The following KCNC1 variants were observed in gnomAD, a reference collection of about 807,000 sequenced individuals.
KCNC1 encodes voltage-gated potassium channel KCNC1.
KCNC1 carries 8 observed loss-of-function variants against 43.4 expected under a neutral mutation model. The ratio of observed to expected loss-of-function variants is 0.18; its 90% CI spans 0.11 to 0.33. KCNC1 has a LOEUF of 0.33. Ranked by LOEUF, KCNC1 falls within the 10% of genes least tolerant of loss-of-function variation. The probability of loss-of-function intolerance (pLI) is 1.00; values close to 1 mark genes in which losing one functional copy is unlikely to be tolerated. For synonymous variants in KCNC1, 361 were observed against 360.5 expected, an observed-to-expected ratio of 1.00 and a Z score of -0.01; for missense variants, 420 against 836.0, an observed-to-expected ratio of 0.50 and a Z score of 6.14.
In KCNC1 at chr11:17,781,801, C is replaced by T; in HGVS notation, c.*67C>T. 2.7e-6 allele frequency: 3 copies of T among 1,099,612 alleles called. No individual in the cohort carries two copies. In the South Asian group the frequency reaches 4.1e-5, roughly 15 times the overall value. 68.1% of individuals were successfully genotyped at this position (1,099,612 alleles called of 1,614,324 possible). A position where few individuals can be genotyped will look rare whatever the true frequency, so the allele number is the denominator to read the frequency against. On this transcript the variant is annotated 3_prime_UTR_variant, in exon 4 of 4. Transcript: ENST00000265969. This position sits in a 1 kb window ranked among gnomAD's most constrained non-coding sequence, Gnocchi z 5.1. ...TGGGTGGACCTGCAGCCCCTCCTCA[C>T]CCTCGGACAGAGTAAATTCACGCCA...
rs1849255616 is a variant in KCNC1 at position 17,773,575 on chromosome 11, G to A, written c.1504+977G>A. 1 of 984,902 alleles carries A rather than the reference G, an allele frequency of 1.0e-6. No homozygotes were observed. The highest frequency in any genetic ancestry group is 1.2e-6 in the Non-Finnish European group (1 of 829,918). The allele number at this position is 984,902 out of a possible 1,614,324, so 61.0% of individuals were successfully genotyped here. A position where few individuals can be genotyped will look rare whatever the true frequency, so the allele number is the denominator to read the frequency against. ...ACTGGGGGCCGGGAGGGGGGAGGGG[G>A]GCATGAAACAATACTAGTCACCGTG... On this transcript the variant is annotated intron_variant, in intron 2 of 3. Coordinates refer to ENST00000265969, the MANE Select transcript of KCNC1 (RefSeq NM_001112741.2). The surrounding 1 kb of genome is among the most constrained non-coding windows in gnomAD (Gnocchi z 4.1).
At chr11:17,778,106 T>C (rs1849305379) in intron 2 of KCNC1, among the ~76,000 whole-genome samples, 1 of 152,192 alleles carries the variant, frequency 6.6e-6, no homozygotes, top group Non-Finnish European at 1.5e-5. Flanking sequence ...AGATGAAGTA[T>C]TGGAGTTGGC....
Position 17,742,411 on chromosome 11 carries a change from T to G in KCNC1, c.570+5839T>G, listed in dbSNP as rs757309925. 2.0e-5 allele frequency among the ~76,000 whole-genome samples: 3 copies of G among 152,178 alleles called. No homozygotes were observed. The highest frequency in any genetic ancestry group is 1.3e-4 in the Admixed American group (2 of 15,286). ...TCTCAAGGCCTCCACGACAGCTGAA[T>G]ATAATGCCTCTGGCTATTCTGAGCG... On this transcript the variant is annotated intron_variant, in intron 1 of 3. Coordinates refer to ENST00000265969, the MANE Select transcript of KCNC1 (RefSeq NM_001112741.2). The surrounding 1 kb of genome is among the most constrained non-coding windows in gnomAD (Gnocchi z 4.2).
At chr11:17,737,762 C>A (rs1848785691) in intron 1 of KCNC1, among the ~76,000 whole-genome samples, 1 of 152,130 alleles carries the variant, frequency 6.6e-6, no homozygotes, top group Non-Finnish European at 1.5e-5. Flanking sequence ...CTGCCCTCAC[C>A]CCCTACCAGG....
At chr11:17,761,196 TC>T (rs1239243487) in intron 1 of KCNC1, among the ~76,000 whole-genome samples, 6 of 152,226 alleles carry the variant, frequency 3.9e-5, no homozygotes, top group Admixed American at 3.3e-4. Flanking sequence ...CACTGGCGGT[TC>T]CCACCAGGCT....
intron 1 of KCNC1, among the ~76,000 whole-genome samples, chr11:17,769,027 C>T (rs1409876130): frequency 6.6e-6 from 1 of 152,260 alleles, no homozygotes; most frequent in Non-Finnish European, 1.5e-5. Flanking sequence ...CCTGGTCTAC[C>T]TCTGTTGTGC....
rs1424860516 is a variant in KCNC1 at position 17,782,881 on chromosome 11, G to C, written c.*1147G>C. The C allele has an allele frequency of 6.6e-6, 1 of 151,720 alleles. No homozygotes were observed. The highest frequency in any genetic ancestry group is 2.4e-5 in the African/African-American group (1 of 41,258). The allele number at this position is 151,720 out of a possible 1,614,324, so 9.4% of individuals were successfully genotyped here. On this transcript the variant is annotated 3_prime_UTR_variant, in exon 4 of 4. Transcript: ENST00000265969. ...GTCTGATTCTAAAATTAGTGGGGTG[G>C]GGGGGAAGGATGATATTTTTGAAAA...
At chr11:17,753,809 A>T (rs1447536390) in intron 1 of KCNC1, among the ~76,000 whole-genome samples, 1 of 152,116 alleles carries the variant, frequency 6.6e-6, no homozygotes, top group African/African-American at 2.4e-5. Context: ...TCTCCTCACC[A>T]TGTGTCCCAG....
chr11:17,776,639 TGGG>T lies in KCNC1; in HGVS notation c.1505-2814_1505-2812del, dbSNP rs1443443459. ...CATCACTGCAGGCCTGTGGGTCTAG[TGGG>T]GGCCTGGGGGCCCTGGGCTGGGGGA... On this transcript the variant is annotated intron_variant, in intron 2 of 3. Coordinates refer to ENST00000265969, the MANE Select transcript of KCNC1 (RefSeq NM_001112741.2). This position sits in a 1 kb window ranked among gnomAD's most constrained non-coding sequence, Gnocchi z 4.4. 1.3e-5 allele frequency: 13 copies of T among 985,010 alleles called. No individual in the cohort carries two copies. Among genetic ancestry groups the T allele is most frequent in the Admixed American group, 6.2e-5 (1 of 16,260 alleles). The allele number at this position is 985,010 out of a possible 1,614,324, so 61.0% of individuals were successfully genotyped here. A position where few individuals can be genotyped will look rare whatever the true frequency, so the allele number is the denominator to read the frequency against.
rs74636657 is a variant in KCNC1, at chr11:17,744,571, G to A, written c.570+7999G>A. Among the ~76,000 whole-genome samples, 1,332 of 152,298 alleles carry A rather than the reference G, an allele frequency of 8.7e-3. 29 individuals carry two copies. Among genetic ancestry groups the A allele is most frequent in the African/African-American group, 0.03 (1,234 of 41,562 alleles). On this transcript the variant is annotated intron_variant, in intron 1 of 3. Transcript: ENST00000265969. ...CTCAGGCCTATGGACAGCACCCATT[G>A]CCCGCTTCTCCAGGCCCTTCTCTTC...
chr11:17,772,859 A>G (rs1348802337), intron 2 of KCNC1: 1 of 1,321,086 alleles, frequency 7.6e-7, no homozygotes, highest in African/African-American at 1.5e-5. Flanking sequence ...TGAAGAGACA[A>G]CGCGGCCCGC....
rs1016647914 is a variant in KCNC1 at position 17,773,815 on chromosome 11, TAAG to T, written c.1504+1221_1504+1223del. ...CCCAGAGAAGAATGACAGCACTGAGTAAGAAGGAGTGCCAGGTGAGCAGGAGGT... is the reference window on the plus strand; with the variant it reads ...CCCAGAGAAGAATGACAGCACTGAGTAAGGAGTGCCAGGTGAGCAGGAGGT... On this transcript the variant is annotated intron_variant, in intron 2 of 3. Transcript: ENST00000265969. This position sits in a 1 kb window ranked among gnomAD's most constrained non-coding sequence, Gnocchi z 4.1. The T allele has an allele frequency of 3.0e-6, 3 of 985,228 alleles. No individual in the cohort carries two copies. Among genetic ancestry groups the T allele is most frequent in the African/African-American group, 3.5e-5 (2 of 57,154 alleles). The allele number at this position is 985,228 out of a possible 1,614,324, so 61.0% of individuals were successfully genotyped here. A position where few individuals can be genotyped will look rare whatever the true frequency, so the allele number is the denominator to read the frequency against.
Position 17,772,309 on chromosome 11 carries a change from C to T in KCNC1, c.1215C>T (p.Asp405=). The part of the protein sequence containing the change: ...VVTMTTLGYG[D]MYPQTWSGML... ...CCATGACGACCCTGGGCTATGGAGACATGTACCCGCAGACGTGGTCCGGCA... is the reference window on the plus strand; with the variant it reads ...CCATGACGACCCTGGGCTATGGAGATATGTACCCGCAGACGTGGTCCGGCA... The change falls in exon 2 of 4, where the codon GAC becomes GAT. Residue 405 remains aspartate (D), a synonymous_variant. Coordinates refer to ENST00000265969, the MANE Select transcript of KCNC1 (RefSeq NM_001112741.2). The T allele has an allele frequency of 4.3e-6, 7 of 1,614,204 alleles. No individual in the cohort carries two copies. The highest frequency in any genetic ancestry group is 5.9e-6 in the Non-Finnish European group (7 of 1,180,044).
intron 1 of KCNC1, among the ~76,000 whole-genome samples, chr11:17,758,544 G>A (rs1849044929): frequency 6.6e-6 from 1 of 152,212 alleles, no homozygotes; most frequent in South Asian, 2.1e-4. Context: ...ACAGCCTTAT[G>A]AAATGTATTT....
intron 2 of KCNC1, chr11:17,774,884 C>T (rs1590107870): frequency 3.1e-5 from 31 of 985,480 alleles, no homozygotes; most frequent in Middle Eastern, 5.2e-4. Context: ...AGGCTCCAGC[C>T]TCATCCCTCA....
intron 1 of KCNC1, among the ~76,000 whole-genome samples, chr11:17,764,771 T>G (rs1849129300): frequency 6.6e-6 from 1 of 152,142 alleles, no homozygotes; most frequent in Non-Finnish European, 1.5e-5. Flanking sequence ...AACCATCCCA[T>G]TTCCTCCCTG....
At chr11:17,751,045 G>T (rs539042020) in intron 1 of KCNC1, among the ~76,000 whole-genome samples, 17 of 152,296 alleles carry the variant, frequency 1.1e-4, no homozygotes, top group African/African-American at 4.1e-4. Context: ...GAGGTGGAAG[G>T]GTTAGGTAGT....
chr11:17,748,850 G>T (rs1403458468), intron 1 of KCNC1, among the ~76,000 whole-genome samples: 1 of 152,186 alleles, frequency 6.6e-6, no homozygotes. Context: ...GGGCCGTAAT[G>T]AGGGGCCTCT....
chr11:17,736,631 C>T lies in KCNC1; in HGVS notation c.570+59C>T. ...CGGGAAGGCAGCGTCCTGTGCCTCCCCGCGGGCAGGGGTGGACCGGAGAAC... is the reference window on the plus strand; with the variant it reads ...CGGGAAGGCAGCGTCCTGTGCCTCCTCGCGGGCAGGGGTGGACCGGAGAAC... On this transcript the variant is annotated intron_variant, in intron 1 of 3. Transcript: ENST00000265969. This position sits in a 1 kb window ranked among gnomAD's most constrained non-coding sequence, Gnocchi z 9.3. 1 of 1,447,218 alleles carries T rather than the reference C, an allele frequency of 6.9e-7. No homozygotes were observed. Among genetic ancestry groups the T allele is most frequent in the South Asian group, 1.5e-5 (1 of 68,550 alleles). The allele number at this position is 1,447,218 out of a possible 1,614,324, so 89.6% of individuals were successfully genotyped here.
Sources: gnomAD v4.1 joint callset for allele counts (sites outside exome capture counted in the v4.1 genomes callset) on GRCh38, gnomAD v4.1.1 for gene constraint, Gnocchi (gnomAD v3.1) non-coding constraint, MANE v1.5 for transcripts, NCBI Gene and HGNC (gene_info 2026-07-23, HGNC 2026-07-21) for gene names.